SHANK1: variants seen among roughly 807,000 people sequenced by gnomAD.
SHANK1 encodes the protein SH3 and multiple ankyrin repeat domains 1, also known as SH3 and multiple ankyrin repeat domains protein 1.
Under a neutral mutation model 165.6 loss-of-function variants are expected in SHANK1, and 35 were observed. That is an observed-to-expected ratio of 0.21 (90% CI 0.16 to 0.28). The LOEUF is 0.28. Ranked by LOEUF, SHANK1 falls within the 10% of genes least tolerant of loss-of-function variation. The probability of loss-of-function intolerance (pLI) is 1.00; values close to 1 mark genes in which losing one functional copy is unlikely to be tolerated. For missense variants in SHANK1, 2,681 were observed against 3,036.4 expected (o/e 0.88, Z 2.75); for synonymous variants, 1,428 against 1,384.8 (o/e 1.03, Z -0.69).
At position 50,667,459 on chromosome 19, in the gene SHANK1, G is replaced by A. The variant is rs974902376; in HGVS notation, c.4501C>T (p.Arg1501Trp). The A allele has an allele frequency of 1.7e-5, 26 of 1,528,150 alleles. No individual in the cohort carries two copies. The highest frequency in any genetic ancestry group is 2.1e-5 in the Non-Finnish European group (24 of 1,146,812). The allele number at this position is 1,528,150 out of a possible 1,614,324, so 94.7% of individuals were successfully genotyped here. A position where few individuals can be genotyped will look rare whatever the true frequency, so the allele number is the denominator to read the frequency against. ...CCCCTTCCGCTCGTCACAGGGGCCC[G>A]GGGCTGGCAGTTTTCAAGGAACCGC... is the stretch of plus-strand genomic sequence containing the variant. ...HVRFLENCQP[R>W]APVTSGRGPP... is the part of the protein sequence containing the mutation. Residue 1501 changes from arginine to tryptophan, a missense_variant, in exon 23 of 24, where the codon CGG becomes TGG. Coordinates refer to ENST00000293441, the MANE Select transcript of SHANK1 (RefSeq NM_016148.5). This position sits in a 1 kb window ranked among gnomAD's most constrained non-coding sequence, Gnocchi z 5.7.
At chr19:50,706,108 T>C (rs73598651) in intron 8 of SHANK1, among the ~76,000 whole-genome samples, 2,197 of 150,168 alleles carry the variant, frequency 0.015, 56 homozygotes, top group African/African-American at 0.051. Context: ...GCAAAGATCC[T>C]TGTTCATGCC....
rs1985630814 is a variant in SHANK1, at chr19:50,668,202, C to T, written c.3758G>A (p.Arg1253His). ...GTCGGTGGACAGGAACAGCGTGGAG[C>T]GCCGGCGCGCCTCATTCTGCCAGCC... ...EGGWQNEARR[R>H]STLFLSTDAG... The change falls in exon 23 of 24, where the codon CGC becomes CAC. Residue 1253 changes from arginine (R) to histidine (H), a missense_variant. Arg to His is a conservative substitution (Grantham distance 29). This residue lies in a region of SHANK1 where 1,713 missense variants were observed against 1,630.2 expected (regional missense o/e 1.05). Transcript: ENST00000293441. 3 of 1,493,710 alleles carry T rather than the reference C, an allele frequency of 2.0e-6. No individual in the cohort carries two copies. Among genetic ancestry groups the T allele is most frequent in the Admixed American group, 2.3e-5 (1 of 42,938 alleles). The allele number at this position is 1,493,710 out of a possible 1,614,324, so 92.5% of individuals were successfully genotyped here. A position where few individuals can be genotyped will look rare whatever the true frequency, so the allele number is the denominator to read the frequency against.
Position 50,686,652 on chromosome 19 carries a change from A to G in SHANK1, c.2458+92T>C. On this transcript the variant is annotated intron_variant, in intron 20 of 23. Transcript: ENST00000293441. The surrounding 1 kb of genome is among the most constrained non-coding windows in gnomAD (Gnocchi z 5.7). Reference sequence around the variant, plus strand: ...GCAGCCTCTCTGGGGCAGGAAGGTGAGGGGCGCCGTGGGGTTCATGGTGGG... The same window carrying G: ...GCAGCCTCTCTGGGGCAGGAAGGTGGGGGGCGCCGTGGGGTTCATGGTGGG... 2 of 1,217,284 alleles carry G rather than the reference A, an allele frequency of 1.6e-6. No homozygotes were observed. Among genetic ancestry groups the G allele is most frequent in the Non-Finnish European group, 2.4e-6 (2 of 846,370 alleles). 75.4% of individuals were successfully genotyped at this position (1,217,284 alleles called of 1,614,324 possible).
In SHANK1 at chr19:50,666,956, C is replaced by T. The variant is rs564053392; in HGVS notation, c.5004G>A (p.Pro1668=). 5 of 1,594,568 alleles carry T rather than the reference C, an allele frequency of 3.1e-6. No individual in the cohort carries two copies. The South Asian group carries it at 3.4e-5, about 11-fold the overall frequency. The change falls in exon 23 of 24, where the codon CCG becomes CCA. Residue 1668 remains proline (P), a synonymous_variant. Transcript: ENST00000293441. ...PAAPQPGPDP[P]PGTDSGIEEV... ...CCTCGATGCCAGAATCCGTGCCAGGCGGAGGGTCCGGGCCAGGCTGTGGGG... is the reference window on the plus strand; with the variant it reads ...CCTCGATGCCAGAATCCGTGCCAGGTGGAGGGTCCGGGCCAGGCTGTGGGG...
intron 15 of SHANK1, among the ~76,000 whole-genome samples, chr19:50,692,474 C>CATATATATATATATATATATATATATAT (rs993822373): frequency 1.6e-5 from 2 of 126,688 alleles, no homozygotes; most frequent in East Asian, 4.5e-4. Context: ...TATATATATA[C>CATATATATATATATATATATATATATAT]ACACACACAC....
chr19:50,661,003 G>T lies in SHANK1; in HGVS notation c.*962C>A, dbSNP rs1985192446. ...GAGTTGGGGAGTGGAAGAATCTGGG[G>T]TTTTTAAGAATAAGAAGGGAAAGTG... On this transcript the variant is annotated 3_prime_UTR_variant, in exon 24 of 24. Coordinates refer to ENST00000293441, the MANE Select transcript of SHANK1 (RefSeq NM_016148.5). Among the ~76,000 whole-genome samples, 1 of 151,958 alleles carries T rather than the reference G, an allele frequency of 6.6e-6. No individual in the cohort carries two copies. Among genetic ancestry groups the T allele is most frequent in the Non-Finnish European group, 1.5e-5 (1 of 68,002 alleles).
intron 8 of SHANK1, 135 bp downstream of exon 8, chr19:50,711,236 G>T: frequency 1.6e-6 from 1 of 617,246 alleles, no homozygotes; most frequent in South Asian, 1.9e-5. Context: ...ATGGAGGAAT[G>T]ACTGGATGAA....
At position 50,667,169 on chromosome 19, in the gene SHANK1, G is replaced by A. The variant is rs1270633638; in HGVS notation, c.4791C>T (p.Ala1597=). 1 of 1,561,700 alleles carries A rather than the reference G, an allele frequency of 6.4e-7. No homozygotes were observed. Among genetic ancestry groups the A allele is most frequent in the Non-Finnish European group, 8.6e-7 (1 of 1,160,434 alleles). Residue 1597 remains alanine, a synonymous_variant, in exon 23 of 24, where the codon GCC becomes GCT. Transcript: ENST00000293441. The surrounding 1 kb of genome is among the most constrained non-coding windows in gnomAD (Gnocchi z 5.7). ...GCACAGGGGGTAACGGGGTGGCAGG[G>A]GCAGGTGTGTCGGGCAGCGGGTGGG... ...GPPHPLPDTP[A]PATPLPPVPP... is the part of the protein sequence containing the mutation.
rs1985606026 is a variant in SHANK1, at chr19:50,667,840, G to T, written c.4120C>A (p.Pro1374Thr). 3.1e-6 allele frequency: 4 copies of T among 1,296,270 alleles called. No homozygotes were observed. Among genetic ancestry groups the T allele is most frequent in the Non-Finnish European group, 3.9e-6 (4 of 1,026,534 alleles). The allele number at this position is 1,296,270 out of a possible 1,614,324, so 80.3% of individuals were successfully genotyped here. Residue 1374 changes from proline to threonine, a missense_variant, in exon 23 of 24, where the codon CCC becomes ACC. Physicochemically the swap from Pro to Thr is conservative, Grantham distance 38. Around this residue, in one of 10 missense-constraint regions of SHANK1, gnomAD observed 1,713 missense variants for 1,630.2 expected, o/e 1.05. Coordinates refer to ENST00000293441, the MANE Select transcript of SHANK1 (RefSeq NM_016148.5). This position sits in a 1 kb window ranked among gnomAD's most constrained non-coding sequence, Gnocchi z 5.7. ...LKESSEGGGA[P>T]QPPPRPPSPR... ...GATGGGGGCCTGGGAGGCGGCTGGG[G>T]GGCCCCGCCGCCCTCCGAGGACTCC... is the stretch of plus-strand genomic sequence containing the variant.
chr19:50,678,724 G>A (rs1986057547), intron 21 of SHANK1, among the ~76,000 whole-genome samples: 1 of 119,216 alleles, frequency 8.4e-6, no homozygotes, highest in East Asian at 2.6e-4. Flanking sequence ...CAGTGGAGGA[G>A]TCAAAGGGAA....
chr19:50,668,509 T>A lies in SHANK1; in HGVS notation c.3451A>T (p.Asn1151Tyr). Reference protein sequence around the residue: ...PPAVAAPSEKNSIPIPTIIIK... With the variant: ...PPAVAAPSEKYSIPIPTIIIK... ...ATGATGGTGGGGATGGGGATGGAGT[T>A]CTTCTCCGAGGGCGCGGCCACGGCG... Residue 1151 changes from asparagine (N) to tyrosine (Y), a missense_variant, in exon 23 of 24, where the codon AAC (asparagine) becomes TAC (tyrosine). Asn to Tyr is a moderately radical substitution (Grantham distance 143). Coordinates refer to ENST00000293441, the MANE Select transcript of SHANK1 (RefSeq NM_016148.5). The A allele has an allele frequency of 1.5e-6, 2 of 1,348,070 alleles. No homozygotes were observed. The highest frequency in any genetic ancestry group is 1.9e-6 in the Non-Finnish European group (2 of 1,050,142). The allele number at this position is 1,348,070 out of a possible 1,614,324, so 83.5% of individuals were successfully genotyped here. A position where few individuals can be genotyped will look rare whatever the true frequency, so the allele number is the denominator to read the frequency against.
chr19:50,716,034 G>A lies in SHANK1; in HGVS notation c.459+241C>T, dbSNP rs1283067939. ...ATTGGGAATCCTCCCCCAATTTGAT[G>A]GGTGAGGAGAAGCTTGGGGCAGGAA... On this transcript the variant is annotated intron_variant, in intron 3 of 23. Coordinates refer to ENST00000293441, the MANE Select transcript of SHANK1 (RefSeq NM_016148.5). The surrounding 1 kb of genome is among the most constrained non-coding windows in gnomAD (Gnocchi z 8.4). Among the ~76,000 whole-genome samples, 2 of 152,198 alleles carry A rather than the reference G, an allele frequency of 1.3e-5. No individual in the cohort carries two copies. Among genetic ancestry groups the A allele is most frequent in the African/African-American group, 4.8e-5 (2 of 41,454 alleles).
At chr19:50,672,547 C>A (rs1985833105) in intron 21 of SHANK1, among the ~76,000 whole-genome samples, 1 of 104,258 alleles carries the variant, frequency 9.6e-6, no homozygotes, top group Non-Finnish European at 1.7e-5. Context: ...CAGAGCCAGA[C>A]TCTGTCTCAA....
rs746922524 is a variant in SHANK1, at chr19:50,666,886, T to A, written c.5074A>T (p.Ser1692Cys). The A allele has an allele frequency of 1.3e-6, 2 of 1,590,290 alleles. No homozygotes were observed. The highest frequency in any genetic ancestry group is 2.3e-5 in the East Asian group (1 of 43,934). Residue 1692 changes from serine (S) to cysteine (C), a missense_variant, in exon 23 of 24, where the codon AGC becomes TGC. Around this residue, in one of 10 missense-constraint regions of SHANK1, gnomAD observed 1,713 missense variants for 1,630.2 expected, o/e 1.05. Coordinates refer to ENST00000293441, the MANE Select transcript of SHANK1 (RefSeq NM_016148.5). ...SSSDHPLETI[S>C]SASTLSSLSA... ...AGGCTGCTCAGCGTGGAGGCGCTGC[T>A]GATGGTCTCCAGTGGGTGGTCACTG...
Position 50,711,507 on chromosome 19 carries a change from AG to A in SHANK1, c.961-21del. 1 of 1,539,268 alleles carries A rather than the reference AG, an allele frequency of 6.5e-7. No homozygotes were observed. Among genetic ancestry groups the A allele is most frequent in the Non-Finnish European group, 8.8e-7 (1 of 1,132,678 alleles). ...GCAGGCCTGGGCAGGACAGGGAGCG[AG>A]GGGCATGGATCAGACCCAGGCTGTT... is the stretch of plus-strand genomic sequence containing the variant. On this transcript the variant is annotated intron_variant, in intron 7 of 23. Coordinates refer to ENST00000293441, the MANE Select transcript of SHANK1 (RefSeq NM_016148.5).
chr19:50,710,710 A>G (rs1292370419), intron 8 of SHANK1, among the ~76,000 whole-genome samples: 1 of 152,128 alleles, frequency 6.6e-6, no homozygotes, highest in Non-Finnish European at 1.5e-5. Flanking sequence ...AGGACCCCCA[A>G]GGTCCTGAAT....
At chr19:50,678,030 A>G (rs919994687) in intron 21 of SHANK1, among the ~76,000 whole-genome samples, 3 of 151,774 alleles carry the variant, frequency 2.0e-5, no homozygotes, top group Admixed American at 1.3e-4. Context: ...GGAAGGAGAC[A>G]CTCTTGTGTG....
Position 50,716,181 on chromosome 19 carries a change from G to A in SHANK1, c.459+94C>T, listed in dbSNP as rs896784227. ...GGACTCGCACACTGGGTGCCCCCTC[G>A]TTAAGGTTTCGAGTGTGTTAAAAAG... is the stretch of plus-strand genomic sequence containing the variant. On this transcript the variant is annotated intron_variant, in intron 3 of 23. Coordinates refer to ENST00000293441, the MANE Select transcript of SHANK1 (RefSeq NM_016148.5). This position sits in a 1 kb window ranked among gnomAD's most constrained non-coding sequence, Gnocchi z 8.4. The A allele has an allele frequency of 1.3e-5, 16 of 1,225,224 alleles. No homozygotes were observed. Among genetic ancestry groups the A allele is most frequent in the South Asian group, 5.3e-5 (4 of 76,130 alleles). The allele number at this position is 1,225,224 out of a possible 1,614,324, so 75.9% of individuals were successfully genotyped here. A position where few individuals can be genotyped will look rare whatever the true frequency, so the allele number is the denominator to read the frequency against.
Position 50,668,478 on chromosome 19 carries a change from TTGA to T in SHANK1, c.3479_3481del (p.Ile1160del), listed in dbSNP as rs1305443414. 3 of 1,341,628 alleles carry T rather than the reference TTGA, an allele frequency of 2.2e-6. No homozygotes were observed. Among genetic ancestry groups the T allele is most frequent in the Admixed American group, 3.1e-5 (1 of 32,348 alleles). 83.1% of individuals were successfully genotyped at this position (1,341,628 alleles called of 1,614,324 possible). On this transcript the variant is annotated inframe_deletion, in exon 23 of 24. Coordinates refer to ENST00000293441, the MANE Select transcript of SHANK1 (RefSeq NM_016148.5). ...GCCGCTGCTACTGGTGGACGGGGCC[TTGA>T]TGATGATGGTGGGGATGGGGATGGA... is the stretch of plus-strand genomic sequence containing the variant.
Sources: allele counts gnomAD v4.1 joint callset (sites outside exome capture counted in the v4.1 genomes callset), GRCh38; gene constraint gnomAD v4.1.1; regional missense constraint gnomAD v4.1.1; non-coding constraint Gnocchi (gnomAD v3.1); transcripts MANE v1.5; gene names NCBI Gene and HGNC (gene_info 2026-07-23, HGNC 2026-07-21).